The following DRC12 variants were observed in gnomAD, a reference collection of about 807,000 sequenced individuals.
DRC12 encodes dynein regulatory complex protein 12.
the DRC12 span, chr11:119,195,464 T>A: frequency 2.7e-4 from 426 of 1,551,380 alleles, 2 homozygotes; most frequent in African/African-American, 5.3e-3. Flanking sequence ...ATTTCTTCCC[T>A]TTTTCTTTGT....
chr11:119,191,851 G>A, the DRC12 span, among the ~76,000 whole-genome samples: 1 of 151,726 alleles, frequency 6.6e-6, no homozygotes, highest in Admixed American at 6.6e-5. Flanking sequence ...AACAACAACA[G>A]CAAAAACAAA....
chr11:119,195,183 A>G, the DRC12 span: 1 of 629,246 alleles, frequency 1.6e-6, no homozygotes, highest in Non-Finnish European at 2.8e-6. Flanking sequence ...ACAGATATGC[A>G]AAATACACAT....
At chr11:119,193,899 C>T in the DRC12 span, 37 of 1,550,654 alleles carry the variant, frequency 2.4e-5, no homozygotes, top group Admixed American at 7.8e-5. Context: ...TGAGCAGTCC[C>T]AGAGCCGCCG....
At chr11:119,192,018 G>C in the DRC12 span, among the ~76,000 whole-genome samples, 3 of 148,426 alleles carry the variant, frequency 2.0e-5, no homozygotes, top group Non-Finnish European at 3.0e-5. Flanking sequence ...CTCTGTTGCC[G>C]AGGCTGGAGT....
At chr11:119,193,816 A>G in the DRC12 span, 1 of 1,550,922 alleles carries the variant, frequency 6.4e-7, no homozygotes, top group African/African-American at 1.4e-5. Context: ...CTCAGCCTCC[A>G]CCCCTTGCAG....
At chr11:119,192,225 C>T in the DRC12 span, among the ~76,000 whole-genome samples, 2 of 152,150 alleles carry the variant, frequency 1.3e-5, no homozygotes, top group Non-Finnish European at 2.9e-5. Context: ...ATTCTCTTGC[C>T]TTGGCCTCCC....
At chr11:119,194,384 C>T in the DRC12 span, among the ~76,000 whole-genome samples, 2 of 151,712 alleles carry the variant, frequency 1.3e-5, no homozygotes, top group African/African-American at 2.4e-5. Context: ...GTGGTGGCCA[C>T]GTGCCTGTAA....
chr11:119,193,198 C>T, the DRC12 span: 393,459 of 1,613,628 alleles, frequency 0.24, 49,301 homozygotes, highest in East Asian at 0.38. Flanking sequence ...CTGCTTGCTG[C>T]GGGTTTGCAT....
chr11:119,193,465 A>T, the DRC12 span: 1 of 1,049,764 alleles, frequency 9.5e-7, no homozygotes, highest in Non-Finnish European at 1.3e-6. Flanking sequence ...TTGGATGGGG[A>T]TGCTAGCCCT....
the DRC12 span, chr11:119,193,589 ACCTACCTGCCTTTGGTTCCTGCAGGAT>A: frequency 3.5e-6 from 5 of 1,434,904 alleles, no homozygotes; most frequent in Non-Finnish European, 4.6e-6. Flanking sequence ...GATCCCAGGA[ACCTACCTGCCTTTGGTTCCTGCAGGAT>A]CCTTCCTGAT....
At chr11:119,195,796 TACCTGTA>T in the DRC12 span, 1 of 276,232 alleles carries the variant, frequency 3.6e-6, no homozygotes, top group Non-Finnish European at 6.9e-6. Context: ...CCTCACTTCC[TACCTGTA>T]GGATCCTCTC....
the DRC12 span, among the ~76,000 whole-genome samples, chr11:119,194,540 A>T: frequency 5.2e-3 from 736 of 140,974 alleles, 22 homozygotes; most frequent in African/African-American, 0.018. Flanking sequence ...AAAAAAAAAA[A>T]AAAAATAAAT....
chr11:119,190,635 C>G, the DRC12 span: 4 of 1,574,668 alleles, frequency 2.5e-6, no homozygotes, highest in Non-Finnish European at 3.5e-6. The surrounding 1 kb of genome is among the most constrained non-coding windows in gnomAD (Gnocchi z 4.2). Context: ...TGTCAGTCAT[C>G]ATACGAGCTG....
chr11:119,193,661 G>C, the DRC12 span: 1 of 1,498,388 alleles, frequency 6.7e-7, no homozygotes, highest in Non-Finnish European at 8.9e-7. Context: ...ACCAGGCCTG[G>C]CAGTCGGAAG....
the DRC12 span, among the ~76,000 whole-genome samples, chr11:119,194,086 C>T: frequency 6.6e-6 from 1 of 152,274 alleles, no homozygotes; most frequent in East Asian, 1.9e-4. Flanking sequence ...AAAACTCCCT[C>T]TATGTTCTTT....
the DRC12 span, chr11:119,194,826 C>T: frequency 5.7e-6 from 5 of 870,148 alleles, no homozygotes; most frequent in Admixed American, 1.2e-4. Context: ...CAACTTAACC[C>T]CCCACCATAC....
chr11:119,194,881 C>G, the DRC12 span: 1,475 of 1,476,518 alleles, frequency 1.0e-3, 1 homozygote, highest in South Asian at 2.3e-3. Flanking sequence ...CCCCATTTCA[C>G]TTCCCCTGTT....
chr11:119,191,416 G>A, the DRC12 span, among the ~76,000 whole-genome samples: 1 of 151,896 alleles, frequency 6.6e-6, no homozygotes, highest in Non-Finnish European at 1.5e-5. Flanking sequence ...CATCTGTAAA[G>A]AGAGAATGAC....
At chr11:119,193,417 A>T in the DRC12 span, 21 of 836,358 alleles carry the variant, frequency 2.5e-5, no homozygotes, top group African/African-American at 3.6e-4. Context: ...AACCTGAGGA[A>T]GGGACAGGAA....
Sources: allele counts gnomAD v4.1 joint callset (sites outside exome capture counted in the v4.1 genomes callset), GRCh38; gene constraint gnomAD v4.1.1; non-coding constraint Gnocchi (gnomAD v3.1); transcripts MANE v1.5; gene names NCBI Gene and HGNC (gene_info 2026-07-23, HGNC 2026-07-21).